Variants in PCDHA2 observed in about 807,000 individuals in gnomAD.
The protein encoded by PCDHA2 is protocadherin alpha-2.
In PCDHA2, 58 loss-of-function variants were observed where a neutral mutation model predicts 66.0. That is an observed-to-expected ratio of 0.88 (90% CI 0.71 to 1.09). The LOEUF (loss-of-function observed/expected upper bound fraction) is 1.09. Among genes scored for constraint, PCDHA2 ranks in the 50% least tolerant of loss-of-function variants. The pLI, the probability that PCDHA2 is intolerant of heterozygous loss-of-function variation, is 0.00. For synonymous variants in PCDHA2, 634 were observed against 554.0 expected (o/e 1.14, Z -2.03); for missense variants, 1,267 against 1,242.3 (o/e 1.02, Z -0.30).
At chr5:140,917,339 A>T (rs1199530347) in intron 1 of PCDHA2, among the ~76,000 whole-genome samples, 36 of 112,892 alleles carry the variant, frequency 3.2e-4, no homozygotes, top group East Asian at 2.4e-3. Context: ...GAGGGGGGGG[A>T]TGGTGTAGGC....
At chr5:140,830,418 T>C in intron 1 of PCDHA2, 3 of 1,614,030 alleles carry the variant, frequency 1.9e-6, no homozygotes, top group Non-Finnish European at 2.5e-6. Flanking sequence ...AGCCCCAGCC[T>C]TTCACCTTGT....
chr5:140,867,581 T>C (rs1322597888), intron 1 of PCDHA2: 1 of 152,170 alleles, frequency 6.6e-6, no homozygotes, highest in Non-Finnish European at 1.5e-5. Context: ...GCCCTTGCAG[T>C]ATTTTTAGAT....
intron 1 of PCDHA2, among the ~76,000 whole-genome samples, chr5:140,886,628 C>T (rs1305924545): frequency 6.6e-6 from 1 of 151,764 alleles, no homozygotes; most frequent in African/African-American, 2.4e-5. Context: ...GAGTCCGAGA[C>T]CAGCCTGGCC....
At chr5:140,929,421 A>G (rs2086144210) in intron 1 of PCDHA2, 2 of 1,502,092 alleles carry the variant, frequency 1.3e-6, no homozygotes, top group Non-Finnish European at 1.8e-6. Flanking sequence ...ACAACATTTC[A>G]TCAATTGAAC....
At chr5:140,878,747 A>G (rs1371286502) in intron 1 of PCDHA2, among the ~76,000 whole-genome samples, 1 of 152,186 alleles carries the variant, frequency 6.6e-6, no homozygotes, top group Non-Finnish European at 1.5e-5. Context: ...ACTTTCTTAC[A>G]TATCTTTAGT....
chr5:140,871,226 G>T, intron 1 of PCDHA2: 1 of 1,613,918 alleles, frequency 6.2e-7, no homozygotes, highest in South Asian at 1.1e-5. Flanking sequence ...GTGGTGTCCA[G>T]CCTCCTGGTA....
chr5:140,943,729 A>G (rs1215938127), intron 1 of PCDHA2, among the ~76,000 whole-genome samples: 1 of 152,374 alleles, frequency 6.6e-6, no homozygotes, highest in South Asian at 2.1e-4. Context: ...TGAGAGAATG[A>G]AAGTCCACAG....
intron 1 of PCDHA2, among the ~76,000 whole-genome samples, chr5:140,820,410 G>A (rs1312533242): frequency 6.6e-6 from 1 of 151,870 alleles, no homozygotes; most frequent in African/African-American, 2.4e-5. Context: ...TATTTTAAAT[G>A]TAAAAGTATC....
Position 140,856,641 on chromosome 5 carries a change from T to G in PCDHA2, c.2388+59289T>G, listed in dbSNP as rs1554148950. On this transcript the variant is annotated intron_variant, in intron 1 of 3. Coordinates refer to ENST00000526136, the MANE Select transcript of PCDHA2 (RefSeq NM_018905.3). ...TTCCCAGTGCTTGTTCTGCGGAAGC[T>G]GCTGGATCGTGAAGAAAATCCTCAG... 4.4e-6 allele frequency: 7 copies of G among 1,598,334 alleles called. 1 individual carries two copies. The highest frequency in any genetic ancestry group is 5.1e-6 in the Non-Finnish European group (6 of 1,167,764).
chr5:140,882,157 C>G, intron 1 of PCDHA2: 5 of 1,504,750 alleles, frequency 3.3e-6, no homozygotes, highest in Non-Finnish European at 8.9e-7. Flanking sequence ...AAGCGGAATA[C>G]CTCTTGCGAA....
chr5:140,926,641 C>A, intron 1 of PCDHA2: 1 of 460,388 alleles, frequency 2.2e-6, no homozygotes, highest in Non-Finnish European at 3.6e-6. Flanking sequence ...TCCTCAACAC[C>A]CGGCCGGCTC....
At position 140,795,241 on chromosome 5, in the gene PCDHA2, G is replaced by C. The variant is rs1761934602; in HGVS notation, c.277G>C (p.Glu93Gln). 1.2e-6 allele frequency: 2 copies of C among 1,614,296 alleles called. No individual in the cohort carries two copies. Among genetic ancestry groups the C allele is most frequent in the South Asian group, 2.2e-5 (2 of 91,088 alleles). Residue 93 changes from glutamate (E) to glutamine (Q), a missense_variant, in exon 1 of 4, where the codon GAG becomes CAG. By Grantham distance (29) the Glu-to-Gln change is conservative. Coordinates refer to ENST00000526136, the MANE Select transcript of PCDHA2 (RefSeq NM_018905.3). ...ILFVNSRIDR[E>Q]ELCGRSAECS... ...GTTTGTGAATTCTCGGATCGACCGG[G>C]AGGAGCTGTGCGGGCGGAGCGCGGA...
Position 140,956,653 on chromosome 5 carries a change from G to A in PCDHA2, c.2389-22296G>A, listed in dbSNP as rs146062919. ...TGCCAGGTTTTGGTATCAGGATGAT[G>A]CTGGCCTTAAAGGAGTTAGGGAGGA... On this transcript the variant is annotated intron_variant, in intron 1 of 3. Transcript: ENST00000526136. 5.2e-4 allele frequency among the ~76,000 whole-genome samples: 79 copies of A among 152,240 alleles called. 1 individual carries two copies. The highest frequency in any genetic ancestry group is 1.9e-3 in the African/African-American group (79 of 41,558).
intron 1 of PCDHA2, chr5:140,926,540 T>G: frequency 4.6e-6 from 1 of 215,362 alleles, no homozygotes; most frequent in Non-Finnish European, 9.1e-6. Context: ...GCCAGCGTGG[T>G]GGTCGAGACC....
chr5:140,995,284 G>A (rs1439846116), intron 3 of PCDHA2, among the ~76,000 whole-genome samples: 2 of 152,112 alleles, frequency 1.3e-5, no homozygotes, highest in African/African-American at 4.8e-5. Flanking sequence ...TACCAAAACA[G>A]CCAGTCGGAT....
chr5:140,823,751 C>T (rs1767860558), intron 1 of PCDHA2: 2 of 1,613,712 alleles, frequency 1.2e-6, no homozygotes, highest in South Asian at 1.1e-5. Flanking sequence ...CCCCCGCTGA[C>T]AGCCACAGCC....
At chr5:140,988,756 A>G (rs577332845) in intron 3 of PCDHA2, among the ~76,000 whole-genome samples, 170 of 152,318 alleles carry the variant, frequency 1.1e-3, no homozygotes, top group African/African-American at 4.0e-3. Flanking sequence ...TGGCCTGGGC[A>G]GAATACAGTC....
chr5:140,966,374 C>G (rs2095995934), intron 1 of PCDHA2: 1 of 405,056 alleles, frequency 2.5e-6, no homozygotes, highest in South Asian at 1.3e-4. Flanking sequence ...GCTGAGCAGT[C>G]CGGGTTCGCT....
chr5:140,995,788 T>C (rs1327222255), intron 3 of PCDHA2, among the ~76,000 whole-genome samples: 1 of 152,154 alleles, frequency 6.6e-6, no homozygotes, highest in Non-Finnish European at 1.5e-5. Context: ...GGTTTAAAAT[T>C]TGTCTCATGT....
Sources: allele counts gnomAD v4.1 joint callset (sites outside exome capture counted in the v4.1 genomes callset), GRCh38; gene constraint gnomAD v4.1.1; transcripts MANE v1.5; gene names NCBI Gene and HGNC (gene_info 2026-07-23, HGNC 2026-07-21).